Variants in LIG1 observed in about 807,000 individuals in gnomAD.
LIG1 encodes the protein DNA ligase 1.
In LIG1, 70 loss-of-function variants were observed where a neutral mutation model predicts 115.7. That is an observed-to-expected ratio of 0.60 (90% CI 0.50 to 0.74). The LOEUF is 0.74. Ranked by LOEUF, LIG1 falls within the 30% of genes least tolerant of loss-of-function variation. The pLI is 0.00. For missense variants in LIG1, 1,115 were observed against 1,225.6 expected, an observed-to-expected ratio of 0.91 and a Z score of 1.35; for synonymous variants, 487 against 495.3, an observed-to-expected ratio of 0.98 and a Z score of 0.22.
chr19:48,147,756 T>G (rs2035211289), intron 9 of LIG1, among the ~76,000 whole-genome samples: 2 of 152,024 alleles, frequency 1.3e-5, no homozygotes, highest in Non-Finnish European at 2.9e-5. Flanking sequence ...TAAAATCCAG[T>G]AGCTAACACG....
At chr19:48,144,209 G>A (rs924510687) in intron 9 of LIG1, among the ~76,000 whole-genome samples, 1 of 152,172 alleles carries the variant, frequency 6.6e-6, no homozygotes, top group South Asian at 2.1e-4. Context: ...AAAGAAAGCC[G>A]AGTAGAGGAA....
In LIG1 at chr19:48,137,251, G is replaced by A. The variant is rs1017585208; in HGVS notation, c.1255-167C>T. On this transcript the variant is annotated intron_variant, in intron 13 of 27. Coordinates refer to ENST00000263274, the MANE Select transcript of LIG1 (RefSeq NM_000234.3). This position sits in a 1 kb window ranked among gnomAD's most constrained non-coding sequence, Gnocchi z 4.3. ...CGCCCACTCTTAGGGCAGTAAGAAC[G>A]AGCTAGCTCTCCTCCTTGCCTCCCT... Among the ~76,000 whole-genome samples, 14 of 152,184 alleles carry A rather than the reference G, an allele frequency of 9.2e-5. No individual in the cohort carries two copies. The highest frequency in any genetic ancestry group is 2.4e-4 in the African/African-American group (10 of 41,434).
At chr19:48,154,028 G>T in intron 5 of LIG1, 61 bp from the exon 6 acceptor site, 1 of 1,381,960 alleles carries the variant, frequency 7.2e-7, no homozygotes, top group Non-Finnish European at 1.0e-6. Flanking sequence ...CCATCCCGGA[G>T]AGCTCACACC....
intron 4 of LIG1, 172 bp downstream of exon 4, chr19:48,161,200 G>A: frequency 2.2e-6 from 2 of 911,590 alleles, no homozygotes; most frequent in Admixed American, 1.8e-5. Flanking sequence ...GAGGTCCTAG[G>A]GCAGGGGCAA....
rs748479034 is a variant in LIG1, at chr19:48,121,372, G to A, written c.2233-50C>T. The A allele has an allele frequency of 1.4e-5, 21 of 1,508,254 alleles. No homozygotes were observed. In the Admixed American group the frequency reaches 3.1e-4, roughly 23 times the overall value. The allele number at this position is 1,508,254 out of a possible 1,614,324, so 93.4% of individuals were successfully genotyped here. A position where few individuals can be genotyped will look rare whatever the true frequency, so the allele number is the denominator to read the frequency against. ...GAGAAGGGGGAGCGCCCAAGGCGGG[G>A]CCCTCACTGCTGGGGAGGGGCTCCT... On this transcript the variant is annotated intron_variant, in intron 23 of 27. Transcript: ENST00000263274.
intron 9 of LIG1, among the ~76,000 whole-genome samples, chr19:48,144,840 A>C (rs1326787363): frequency 1.3e-5 from 2 of 152,148 alleles, no homozygotes; most frequent in African/African-American, 4.8e-5. Context: ...CCGGATAAGG[A>C]AACTGGGGCA....
intron 4 of LIG1, 30 bp from the exon 5 acceptor site, chr19:48,157,170 A>C (rs1451707407): frequency 6.3e-7 from 1 of 1,581,862 alleles, no homozygotes; most frequent in Admixed American, 1.8e-5. Flanking sequence ...TTCTAGAGTG[A>C]GCGGGGGAAG....
In LIG1 at chr19:48,127,932, A is replaced by G; in HGVS notation, c.1910T>C (p.Val637Ala). The G allele has an allele frequency of 1.2e-6, 2 of 1,614,124 alleles. No individual in the cohort carries two copies. The highest frequency in any genetic ancestry group is 1.7e-6 in the Non-Finnish European group (2 of 1,179,986). The change falls in exon 20 of 28, where the codon GTG becomes GCG. Residue 637 changes from valine to alanine, a missense_variant. By Grantham distance (64) the Val-to-Ala change is moderately conservative. Coordinates refer to ENST00000263274, the MANE Select transcript of LIG1 (RefSeq NM_000234.3). ...TACCTTGCGTTTGCGGGTGGTGAGC[A>G]CTTGGAATGGCTGGATCTGCTTCTT... ...REKKQIQPFQ[V>A]LTTRKRKEVD...
chr19:48,148,667 TG>T (rs200921647), intron 9 of LIG1, among the ~76,000 whole-genome samples: 3 of 151,718 alleles, frequency 2.0e-5, no homozygotes, highest in East Asian at 1.9e-4. Context: ...ATGGCAGAGA[TG>T]GGGGGGTGAC....
intron 19 of LIG1, among the ~76,000 whole-genome samples, chr19:48,130,312 G>A (rs1032202951): frequency 3.9e-5 from 6 of 152,242 alleles, no homozygotes; most frequent in East Asian, 3.8e-4. Flanking sequence ...GATGGGCACC[G>A]TGCCCCCTGC....
chr19:48,158,826 T>C (rs1020985588), intron 4 of LIG1, among the ~76,000 whole-genome samples: 1 of 152,306 alleles, frequency 6.6e-6, no homozygotes, highest in African/African-American at 2.4e-5. Context: ...TCGGGGCACC[T>C]TCTCTAAGCT....
Position 48,153,883 on chromosome 19 carries a change from T to C in LIG1, c.455A>G (p.Lys152Arg). Residue 152 changes from lysine (K) to arginine (R), a missense_variant, in exon 6 of 28, where the codon AAG becomes AGG. Transcript: ENST00000263274. ...EDEDREAKRK[K>R]EEEEEETPKE... Reference sequence around the variant, plus strand: ...TTCTGGGGGCTCACCTTCCTCCTCCTTCTTCCTCTTGGCTTCTCTGTCCTC... The same window carrying C: ...TTCTGGGGGCTCACCTTCCTCCTCCCTCTTCCTCTTGGCTTCTCTGTCCTC... The C allele has an allele frequency of 6.3e-7, 1 of 1,590,432 alleles. No individual in the cohort carries two copies.
Position 48,150,252 on chromosome 19 carries a change from CCT to C in LIG1, c.575-44_575-43del, listed in dbSNP as rs771779580. ...CAGACGGTGATGCAAACTCTTTGAC[CCT>C]GAGACTTTTTTTTTCTTTTTTTTTA... is the stretch of plus-strand genomic sequence containing the variant. On this transcript the variant is annotated intron_variant, in intron 7 of 27. Transcript: ENST00000263274. 9 of 1,613,312 alleles carry C rather than the reference CCT, an allele frequency of 5.6e-6. No homozygotes were observed. The African/African-American group carries it at 9.4e-5, about 17-fold the overall frequency.
chr19:48,164,168 A>G (rs2036349372), intron 2 of LIG1, among the ~76,000 whole-genome samples: 1 of 152,166 alleles, frequency 6.6e-6, no homozygotes, highest in Non-Finnish European at 1.5e-5. Flanking sequence ...TACCTCTAAA[A>G]TTATTCCAGA....
At position 48,150,225 on chromosome 19, in the gene LIG1, C is replaced by G. The variant is rs1183048855; in HGVS notation, c.575-15G>C. 2.5e-6 allele frequency: 4 copies of G among 1,613,970 alleles called. No homozygotes were observed. The highest frequency in any genetic ancestry group is 2.2e-5 in the East Asian group (1 of 44,890). ...GGTCTCTGCTTCTGCGGTGAGAGAG[C>G]TCAGACGGTGATGCAAACTCTTTGA... On this transcript the variant is annotated splice_polypyrimidine_tract_variant and intron_variant, in intron 7 of 27. Coordinates refer to ENST00000263274, the MANE Select transcript of LIG1 (RefSeq NM_000234.3).
chr19:48,162,719 C>T (rs2036255822), intron 2 of LIG1, among the ~76,000 whole-genome samples: 1 of 152,040 alleles, frequency 6.6e-6, no homozygotes, highest in Non-Finnish European at 1.5e-5. Context: ...TAAGCCACCG[C>T]GCCCGGCCGC....
chr19:48,126,234 T>C (rs1031704018), intron 21 of LIG1, among the ~76,000 whole-genome samples: 1 of 152,154 alleles, frequency 6.6e-6, no homozygotes, highest in African/African-American at 2.4e-5. Context: ...TGACGGCATG[T>C]GGCCTGGCTC....
chr19:48,138,224 C>T (rs986001021), intron 12 of LIG1, among the ~76,000 whole-genome samples: 3 of 152,114 alleles, frequency 2.0e-5, no homozygotes, highest in Non-Finnish European at 4.4e-5. Flanking sequence ...CCTCAAGTCA[C>T]GGTGACAGCT....
chr19:48,125,166 C>A lies in LIG1; in HGVS notation c.2005-1848G>T, dbSNP rs60053900. On this transcript the variant is annotated intron_variant, in intron 21 of 27. Coordinates refer to ENST00000263274, the MANE Select transcript of LIG1 (RefSeq NM_000234.3). ...AACAAGTCCTATACAACAAAATAGG[C>A]CATCAATAAATTTTAAAGAAGGAAT... Among the ~76,000 whole-genome samples, 837 of 152,064 alleles carry A rather than the reference C, an allele frequency of 5.5e-3. 9 individuals carry two copies. The highest frequency in any genetic ancestry group is 0.019 in the African/African-American group (782 of 41,490).
Sources: allele counts gnomAD v4.1 joint callset (sites outside exome capture counted in the v4.1 genomes callset), GRCh38; gene constraint gnomAD v4.1.1; non-coding constraint Gnocchi (gnomAD v3.1); transcripts MANE v1.5; gene names NCBI Gene and HGNC (gene_info 2026-07-23, HGNC 2026-07-21).